The following MSRA variants were observed in gnomAD, a reference collection of about 807,000 sequenced individuals.
MSRA encodes methionine sulfoxide reductase A.
MSRA carries 54 observed loss-of-function variants against 31.3 expected under a neutral mutation model. The observed-to-expected ratio is 1.73, with a 90% CI of 1.39 to 2.17. MSRA has a LOEUF of 2.17. MSRA is among the 30% of genes most tolerant of loss of function. The pLI, the probability that MSRA is intolerant of heterozygous loss-of-function variation, is 0.00. For synonymous variants in MSRA, 169 were observed against 116.5 expected (o/e 1.45, Z -2.90); for missense variants, 507 against 300.9 (o/e 1.69, Z -5.07).
At chr8:10,256,456 G>A (rs1798185490) in intron 3 of MSRA, among the ~76,000 whole-genome samples, 1 of 152,206 alleles carries the variant, frequency 6.6e-6, no homozygotes, top group Admixed American at 6.5e-5. Flanking sequence ...TAAACGTTCA[G>A]TAGAGATTAA....
At chr8:10,065,332 C>T (rs1435024558) in intron 1 of MSRA, among the ~76,000 whole-genome samples, 1 of 152,194 alleles carries the variant, frequency 6.6e-6, no homozygotes, top group East Asian at 1.9e-4. Flanking sequence ...GTGGCCCATC[C>T]TCAGAATGTA....
intron 1 of MSRA, among the ~76,000 whole-genome samples, chr8:10,191,693 C>T (rs1022966972): frequency 8.6e-5 from 13 of 150,530 alleles, no homozygotes; most frequent in South Asian, 6.3e-4. Flanking sequence ...TTCTAGGGGT[C>T]GATTTGTAAA....
chr8:10,410,635 A>G (rs76770357), intron 5 of MSRA, among the ~76,000 whole-genome samples: 6,935 of 152,260 alleles, frequency 0.046, 405 homozygotes, highest in African/African-American at 0.13. Flanking sequence ...GCTGTTTGGC[A>G]GAACCAGGAG....
chr8:10,355,905 A>T (rs1017931373), intron 5 of MSRA, among the ~76,000 whole-genome samples: 1 of 152,210 alleles, frequency 6.6e-6, no homozygotes, highest in African/African-American at 2.4e-5. Context: ...GGGCTCCTGG[A>T]GTCTGAGCCA....
intron 1 of MSRA, among the ~76,000 whole-genome samples, chr8:10,075,675 T>G (rs2128920538): frequency 6.6e-6 from 1 of 152,338 alleles, no homozygotes; most frequent in African/African-American, 2.4e-5. Flanking sequence ...TGTTCTAGCA[T>G]CAAGAGATGA....
At chr8:10,204,340 C>G (rs1203452863) in intron 1 of MSRA, among the ~76,000 whole-genome samples, 1 of 152,260 alleles carries the variant, frequency 6.6e-6, no homozygotes, top group Non-Finnish European at 1.5e-5. Flanking sequence ...TTCACACCCA[C>G]TCACCACTCA....
At chr8:10,272,397 G>T (rs1288241751) in intron 3 of MSRA, among the ~76,000 whole-genome samples, 2 of 152,158 alleles carry the variant, frequency 1.3e-5, no homozygotes, top group Non-Finnish European at 2.9e-5. Flanking sequence ...TGATGTTTTA[G>T]TTAGAGTTCA....
At chr8:10,345,015 G>T (rs930104645) in intron 5 of MSRA, among the ~76,000 whole-genome samples, 1 of 152,160 alleles carries the variant, frequency 6.6e-6, no homozygotes, top group Non-Finnish European at 1.5e-5. Flanking sequence ...GCAGGGCTCA[G>T]TTGGGAAGAT....
intron 4 of MSRA, among the ~76,000 whole-genome samples, chr8:10,310,017 A>C (rs1305913365): frequency 6.6e-6 from 1 of 152,246 alleles, no homozygotes; most frequent in African/African-American, 2.4e-5. Flanking sequence ...ACTTGGCAAT[A>C]AAATACTGTC....
intron 1 of MSRA, among the ~76,000 whole-genome samples, chr8:10,189,133 A>C (rs1807301322): frequency 6.6e-6 from 1 of 152,224 alleles, no homozygotes; most frequent in Admixed American, 6.5e-5. Context: ...TATTATGTAA[A>C]GTACTTCTTT....
chr8:10,428,240 G>T lies in MSRA; in HGVS notation c.636G>T (p.Leu212=). ...CGGAAGACTACCACCAGCAGTACCTGAGCAAGAACCCCAATGGCTACTGCG... is the reference window on the plus strand; with the variant it reads ...CGGAAGACTACCACCAGCAGTACCTTAGCAAGAACCCCAATGGCTACTGCG... ...YYAEDYHQQY[L]SKNPNGYCGL... Residue 212 remains leucine, a synonymous_variant, in exon 6 of 6, where the codon CTG becomes CTT. Coordinates refer to ENST00000317173, the MANE Select transcript of MSRA (RefSeq NM_012331.5). The T allele has an allele frequency of 6.2e-7, 1 of 1,614,170 alleles. No individual in the cohort carries two copies. The highest frequency in any genetic ancestry group is 8.5e-7 in the Non-Finnish European group (1 of 1,180,034).
chr8:10,091,632 A>T (rs1274970538), intron 1 of MSRA, among the ~76,000 whole-genome samples: 1 of 149,724 alleles, frequency 6.7e-6, no homozygotes, highest in Non-Finnish European at 1.5e-5. Flanking sequence ...TTGAGTTGAA[A>T]TTTTGCTCTT....
At chr8:10,237,952 T>G (rs1227045918) in intron 2 of MSRA, among the ~76,000 whole-genome samples, 2 of 152,112 alleles carry the variant, frequency 1.3e-5, no homozygotes, top group African/African-American at 2.4e-5. Flanking sequence ...ACAGCCAGAG[T>G]GATTTTGTAA....
At chr8:10,080,588 C>T (rs1229999696) in intron 1 of MSRA, among the ~76,000 whole-genome samples, 1 of 152,082 alleles carries the variant, frequency 6.6e-6, no homozygotes, top group African/African-American at 2.4e-5. Context: ...TGCAGTAGCA[C>T]AGTCCCAGCT....
intron 1 of MSRA, among the ~76,000 whole-genome samples, chr8:10,107,471 T>G (rs1799969349): frequency 6.6e-6 from 1 of 152,182 alleles, no homozygotes; most frequent in Non-Finnish European, 1.5e-5. Flanking sequence ...AAGAGGTCCA[T>G]AATGAGATAT....
At chr8:10,147,009 T>C (rs898235787) in intron 1 of MSRA, among the ~76,000 whole-genome samples, 1 of 152,102 alleles carries the variant, frequency 6.6e-6, no homozygotes, top group African/African-American at 2.4e-5. Context: ...GCTGGGGCCT[T>C]GTTGGGTTAC....
intron 2 of MSRA, among the ~76,000 whole-genome samples, chr8:10,223,468 C>CT (rs1563237452): frequency 6.6e-6 from 1 of 152,218 alleles, no homozygotes; most frequent in African/African-American, 2.4e-5. Context: ...CCACAGACCA[C>CT]TGGGATAGAA....
intron 5 of MSRA, among the ~76,000 whole-genome samples, chr8:10,416,208 G>A (rs569037613): frequency 6.6e-6 from 1 of 152,144 alleles, no homozygotes; most frequent in African/African-American, 2.4e-5. Flanking sequence ...GTTCATCCCT[G>A]TGTTCCTCGT....
chr8:10,420,819 G>A (rs111293666), intron 5 of MSRA, among the ~76,000 whole-genome samples: 9 of 151,736 alleles, frequency 5.9e-5, no homozygotes, highest in African/African-American at 2.2e-4. Context: ...CAATGTGAAT[G>A]TACTTAACAC....
Sources: gnomAD v4.1 joint callset for allele counts (sites outside exome capture counted in the v4.1 genomes callset) on GRCh38, gnomAD v4.1.1 for gene constraint, MANE v1.5 for transcripts, NCBI Gene and HGNC (gene_info 2026-07-23, HGNC 2026-07-21) for gene names.